DOCK4: variants seen among roughly 807,000 people sequenced by gnomAD.
The protein encoded by DOCK4 is dedicator of cytokinesis 4, also known as dedicator of cytokinesis protein 4.
In DOCK4, 97 loss-of-function variants were observed where a neutral mutation model predicts 268.1. The observed-to-expected ratio is 0.36, with a 90% CI of 0.31 to 0.43. The LOEUF (loss-of-function observed/expected upper bound fraction) is 0.43, where lower values mean the gene tolerates loss of function less well. Ranked by LOEUF, DOCK4 falls within the 20% of genes least tolerant of loss-of-function variation. DOCK4 has a pLI of 1.00. For synonymous variants in DOCK4, 954 were observed against 887.2 expected, an observed-to-expected ratio of 1.08 and a Z score of -1.34; for missense variants, 2,145 against 2,455.7, an observed-to-expected ratio of 0.87 and a Z score of 2.67.
chr7:111,982,795 C>T (rs962920926), intron 7 of DOCK4, among the ~76,000 whole-genome samples: 3 of 151,982 alleles, frequency 2.0e-5, no homozygotes, highest in African/African-American at 7.3e-5. Context: ...AGTGTGTTCC[C>T]TAAAGGAACT....
intron 13 of DOCK4, among the ~76,000 whole-genome samples, chr7:111,903,747 AT>A (rs1215109892): frequency 6.6e-6 from 1 of 152,204 alleles, no homozygotes; most frequent in Admixed American, 6.5e-5. Flanking sequence ...ATTCTTGACA[AT>A]AATGTTTCCA....
At chr7:111,829,925 A>G (rs1392377994) in intron 26 of DOCK4, among the ~76,000 whole-genome samples, 1 of 152,114 alleles carries the variant, frequency 6.6e-6, no homozygotes, top group Admixed American at 6.5e-5. Flanking sequence ...ATCACTCTAG[A>G]TTTTATTGGA....
chr7:111,761,678 G>A (rs185643771), intron 39 of DOCK4, among the ~76,000 whole-genome samples: 1 of 152,236 alleles, frequency 6.6e-6, no homozygotes, highest in African/African-American at 2.4e-5. Flanking sequence ...ATGGGCAGAG[G>A]CTCAGTTCTT....
At chr7:111,784,041 C>A in intron 33 of DOCK4, 56 bp downstream of exon 33, 1 of 1,574,794 alleles carries the variant, frequency 6.4e-7, no homozygotes, top group Non-Finnish European at 8.6e-7. Context: ...ACCTTAAATG[C>A]CTTAGCAACC....
At chr7:112,066,690 CATATATATATATATATATAT>C (rs751631282) in intron 1 of DOCK4, among the ~76,000 whole-genome samples, 32 of 20,994 alleles carry the variant, frequency 1.5e-3, no homozygotes, top group East Asian at 3.5e-3. Context: ...TATACATATA[CATATATATATATATATATAT>C]ATATATATAT....
At chr7:111,923,472 G>T (rs1461284170) in intron 12 of DOCK4, among the ~76,000 whole-genome samples, 2 of 152,014 alleles carry the variant, frequency 1.3e-5, no homozygotes, top group Non-Finnish European at 2.9e-5. Flanking sequence ...CTGGTTTCTG[G>T]TTTTGTCTTT....
chr7:111,781,580 C>A (rs1053443810), intron 35 of DOCK4, among the ~76,000 whole-genome samples: 5 of 152,062 alleles, frequency 3.3e-5, no homozygotes, highest in Admixed American at 1.3e-4. Flanking sequence ...ATAGAGGATG[C>A]TTAGGTCTCA....
intron 1 of DOCK4, among the ~76,000 whole-genome samples, chr7:112,037,774 T>C (rs1487020785): frequency 6.6e-6 from 1 of 152,154 alleles, no homozygotes; most frequent in Non-Finnish European, 1.5e-5. Flanking sequence ...ACCAGCAGAA[T>C]TACAAGATCA....
chr7:112,141,606 A>G (rs938088659), intron 1 of DOCK4, among the ~76,000 whole-genome samples: 13 of 152,226 alleles, frequency 8.5e-5, no homozygotes, highest in African/African-American at 2.9e-4. Context: ...TAATAGATAC[A>G]TACATAAAAT....
chr7:112,110,401 C>A (rs561662166), intron 1 of DOCK4, among the ~76,000 whole-genome samples: 1 of 152,168 alleles, frequency 6.6e-6, no homozygotes, highest in Non-Finnish European at 1.5e-5. Flanking sequence ...ACGTGTCCAT[C>A]CATCTTAGAG....
At chr7:112,094,682 A>G (rs1809945234) in intron 1 of DOCK4, among the ~76,000 whole-genome samples, 1 of 152,188 alleles carries the variant, frequency 6.6e-6, no homozygotes, top group Non-Finnish European at 1.5e-5. Flanking sequence ...GGGAGTTAAT[A>G]GAGTTGGGAT....
intron 1 of DOCK4, among the ~76,000 whole-genome samples, chr7:112,179,381 TAA>T (rs11300174): frequency 6.1e-4 from 91 of 148,100 alleles, no homozygotes; most frequent in South Asian, 1.3e-3. Context: ...GCCTGTACCT[TAA>T]AAAAAAAAAA....
chr7:111,975,066 A>C (rs760144833), intron 8 of DOCK4, among the ~76,000 whole-genome samples: 4 of 152,214 alleles, frequency 2.6e-5, no homozygotes, highest in Non-Finnish European at 5.9e-5. Flanking sequence ...CAGGAGTTCA[A>C]GACCAGCCCG....
At chr7:111,848,148 C>T (rs544443918) in intron 23 of DOCK4, among the ~76,000 whole-genome samples, 3 of 152,344 alleles carry the variant, frequency 2.0e-5, no homozygotes, top group South Asian at 2.1e-4. Flanking sequence ...AATTCAACTA[C>T]ATTTACATTG....
intron 51 of DOCK4, among the ~76,000 whole-genome samples, chr7:111,733,408 A>T (rs181496405): frequency 1.5e-3 from 229 of 152,112 alleles, no homozygotes; most frequent in African/African-American, 5.2e-3. Context: ...TCTCTCTTGC[A>T]CTCTTGAATG....
At chr7:112,159,020 G>A (rs1285378281) in intron 1 of DOCK4, among the ~76,000 whole-genome samples, 1 of 152,142 alleles carries the variant, frequency 6.6e-6, no homozygotes, top group Non-Finnish European at 1.5e-5. Context: ...CTCTGTGTTG[G>A]TTGCTATGAA....
chr7:112,131,949 A>G (rs899544335), intron 1 of DOCK4, among the ~76,000 whole-genome samples: 1 of 152,188 alleles, frequency 6.6e-6, no homozygotes, highest in South Asian at 2.1e-4. Flanking sequence ...TGGAGGCAGA[A>G]GACTAAGTCA....
intron 44 of DOCK4, among the ~76,000 whole-genome samples, chr7:111,745,952 T>C (rs960674965): frequency 6.6e-6 from 1 of 152,166 alleles, no homozygotes; most frequent in African/African-American, 2.4e-5. Context: ...AAATATTATA[T>C]AAAATGACCT....
intron 52 of DOCK4, 41 bp from the exon 53 acceptor site, chr7:111,728,761 G>C (rs1381964686): frequency 6.5e-7 from 1 of 1,548,918 alleles, no homozygotes. Context: ...ACACAGCATT[G>C]AGTCGTGAAC....
Sources: gnomAD v4.1 joint callset for allele counts (sites outside exome capture counted in the v4.1 genomes callset) on GRCh38, gnomAD v4.1.1 for gene constraint, MANE v1.5 for transcripts, NCBI Gene and HGNC (gene_info 2026-07-23, HGNC 2026-07-21) for gene names.